Variants in PARD3B observed in about 807,000 individuals in gnomAD.
The protein encoded by PARD3B is partitioning defective 3 homolog B.
PARD3B carries 103 observed loss-of-function variants against 130.2 expected under a neutral mutation model. The ratio of observed to expected loss-of-function variants is 0.79; its 90% CI spans 0.67 to 0.93. The LOEUF (loss-of-function observed/expected upper bound fraction) is 0.93. Ranked by LOEUF, PARD3B falls within the 40% of genes least tolerant of loss-of-function variation. PARD3B has a pLI of 0.00. For missense variants in PARD3B, 1,609 were observed against 1,499.2 expected (o/e 1.07, Z -1.21); for synonymous variants, 583 against 553.2 (o/e 1.05, Z -0.76).
intron 15 of PARD3B, among the ~76,000 whole-genome samples, chr2:205,222,108 GA>G (rs202034800): frequency 6.9e-6 from 1 of 144,132 alleles, no homozygotes; most frequent in Non-Finnish European, 1.5e-5. Context: ...CTTAAAAGTT[GA>G]AAAAAAAATC....
intron 22 of PARD3B, 47 bp from the exon 23 acceptor site, chr2:205,615,409 C>G: frequency 9.4e-6 from 14 of 1,489,128 alleles, no homozygotes; most frequent in Non-Finnish European, 1.3e-5. Context: ...TCCAGCCGGA[C>G]GGCCAGCTTA....
chr2:205,092,878 T>C (rs1702192742), intron 4 of PARD3B, among the ~76,000 whole-genome samples: 1 of 152,188 alleles, frequency 6.6e-6, no homozygotes, highest in African/African-American at 2.4e-5. Flanking sequence ...TTGGTTTAAA[T>C]GTATTTTATA....
chr2:204,992,347 T>C (rs1050956900), intron 3 of PARD3B, among the ~76,000 whole-genome samples: 11 of 135,274 alleles, frequency 8.1e-5, no homozygotes, highest in Non-Finnish European at 1.4e-4. Context: ...CCTTTCCCCA[T>C]TGCTTGTTTT....
At chr2:205,234,190 C>T (rs956534644) in intron 15 of PARD3B, among the ~76,000 whole-genome samples, 1 of 152,172 alleles carries the variant, frequency 6.6e-6, no homozygotes, top group Non-Finnish European at 1.5e-5. Context: ...CATGGTGGCT[C>T]ATGCCTGTAA....
chr2:205,176,715 CTG>C lies in PARD3B; in HGVS notation c.1924+139_1924+140del. 1.0e-6 allele frequency: 1 copy of C among 977,288 alleles called. No individual in the cohort carries two copies. The highest frequency in any genetic ancestry group is 1.4e-6 in the Non-Finnish European group (1 of 701,418). The allele number at this position is 977,288 out of a possible 1,614,324, so 60.5% of individuals were successfully genotyped here. On this transcript the variant is annotated intron_variant, in intron 13 of 22. Coordinates refer to ENST00000406610, the MANE Select transcript of PARD3B (RefSeq NM_001302769.2). The surrounding 1 kb of genome is among the most constrained non-coding windows in gnomAD (Gnocchi z 5.3). ...ACTTTGTTACTCGGAGTCACAAACA[CTG>C]AGAGAGTTGGGGGAGAGCTGACTCA...
chr2:204,969,454 C>T (rs1015927844), intron 3 of PARD3B, among the ~76,000 whole-genome samples: 3 of 152,194 alleles, frequency 2.0e-5, no homozygotes, highest in African/African-American at 7.2e-5. Context: ...CTCACCTCCA[C>T]TCAAAAGATG....
intron 16 of PARD3B, among the ~76,000 whole-genome samples, chr2:205,248,097 T>C (rs561168867): frequency 6.6e-6 from 1 of 151,942 alleles, no homozygotes; most frequent in Admixed American, 6.6e-5. Context: ...CCCAGCTAAC[T>C]TTTATTTTTA....
At position 204,860,145 on chromosome 2, in the gene PARD3B, G is replaced by A. The variant is rs114805537; in HGVS notation, c.223-105007G>A. On this transcript the variant is annotated intron_variant, in intron 2 of 22. Transcript: ENST00000406610. The stretch of plus-strand genomic sequence containing the variant: ...TACATTATAAAAACAAAAAGGAATC[G>A]CAGCTATAAAAATGTGTTATATCAA... Among the ~76,000 whole-genome samples the A allele has an allele frequency of 7.2e-3, 1,094 of 152,038 alleles. 11 individuals carry two copies. The highest frequency in any genetic ancestry group is 0.025 in the African/African-American group (1,023 of 41,444).
At chr2:205,251,897 A>C (rs2039866332) in intron 16 of PARD3B, among the ~76,000 whole-genome samples, 1 of 152,132 alleles carries the variant, frequency 6.6e-6, no homozygotes, top group Non-Finnish European at 1.5e-5. Context: ...TTGTTGGATA[A>C]ATATAGCATT....
intron 10 of PARD3B, among the ~76,000 whole-genome samples, chr2:205,135,193 G>T (rs969185367): frequency 2.0e-5 from 3 of 152,192 alleles, no homozygotes; most frequent in African/African-American, 7.2e-5. Flanking sequence ...TTAGCCAAAT[G>T]TTACCAGTAA....
chr2:205,495,462 T>C (rs560102992), intron 20 of PARD3B, among the ~76,000 whole-genome samples: 5 of 152,304 alleles, frequency 3.3e-5, no homozygotes, highest in Admixed American at 2.6e-4. Flanking sequence ...ATTGTTAAAC[T>C]AACAATGTGG....
Position 205,128,549 on chromosome 2 carries a change from C to T in PARD3B, c.1434+2812C>T, listed in dbSNP as rs2031683601. On this transcript the variant is annotated intron_variant, in intron 10 of 22. Coordinates refer to ENST00000406610, the MANE Select transcript of PARD3B (RefSeq NM_001302769.2). The surrounding 1 kb of genome is among the most constrained non-coding windows in gnomAD (Gnocchi z 4.5). ...CTGTGTGATGTAGAGCCATTCGGAA[C>T]ATCACTCAGAGGCTGTTTCCTCATC... Among the ~76,000 whole-genome samples the T allele has an allele frequency of 6.6e-6, 1 of 152,218 alleles. No homozygotes were observed. The highest frequency in any genetic ancestry group is 1.5e-5 in the Non-Finnish European group (1 of 68,034).
chr2:204,811,267 A>G (rs1047329455), intron 2 of PARD3B, among the ~76,000 whole-genome samples: 3 of 151,966 alleles, frequency 2.0e-5, no homozygotes, highest in Non-Finnish European at 4.4e-5. Flanking sequence ...GTGTCTCTCA[A>G]TGTTTCTTGG....
intron 4 of PARD3B, among the ~76,000 whole-genome samples, chr2:205,099,957 A>G (rs976441123): frequency 6.6e-6 from 1 of 152,120 alleles, no homozygotes; most frequent in Non-Finnish European, 1.5e-5. Flanking sequence ...CATTGACATG[A>G]TTTCTCCAAA....
chr2:205,057,655 A>G (rs926461919), intron 4 of PARD3B, among the ~76,000 whole-genome samples: 3 of 112,944 alleles, frequency 2.7e-5, no homozygotes, highest in Non-Finnish European at 5.7e-5. Context: ...GTATGTGTAT[A>G]CGTACATATA....
In PARD3B at chr2:205,388,707, A is replaced by G. The variant is rs529082646; in HGVS notation, c.2631-12306A>G. ...AAAATCCCATGGGAAATCTATTTCT[A>G]TGAAAAAAAAACTTGTCTTTTGTTC... On this transcript the variant is annotated intron_variant, in intron 18 of 22. Coordinates refer to ENST00000406610, the MANE Select transcript of PARD3B (RefSeq NM_001302769.2). Among the ~76,000 whole-genome samples, 189 of 152,246 alleles carry G rather than the reference A, an allele frequency of 1.2e-3. 1 individual carries two copies. Among genetic ancestry groups the G allele is most frequent in the Middle Eastern group, 0.01 (3 of 294 alleles).
rs951923347 is a variant in PARD3B, at chr2:205,121,493, G to A, written c.807-98G>A. On this transcript the variant is annotated intron_variant, in intron 7 of 22. Coordinates refer to ENST00000406610, the MANE Select transcript of PARD3B (RefSeq NM_001302769.2). The surrounding 1 kb of genome is among the most constrained non-coding windows in gnomAD (Gnocchi z 5.0). The stretch of plus-strand genomic sequence containing the variant: ...ATATTGATCGTGTCTCCTATGATTA[G>A]CCACTGTGCTGCTCTTGGTTGCCAT... 7.0e-5 allele frequency: 69 copies of A among 985,972 alleles called. No homozygotes were observed. The Admixed American group carries it at 1.3e-3, about 19-fold the overall frequency. The allele number at this position is 985,972 out of a possible 1,614,324, so 61.1% of individuals were successfully genotyped here. A position where few individuals can be genotyped will look rare whatever the true frequency, so the allele number is the denominator to read the frequency against.
chr2:205,257,663 T>G (rs2105749116), intron 16 of PARD3B, among the ~76,000 whole-genome samples: 1 of 152,300 alleles, frequency 6.6e-6, no homozygotes, highest in Admixed American at 6.5e-5. Flanking sequence ...TGCTACATGT[T>G]TTTCGCAAAT....
At position 204,664,748 on chromosome 2, in the gene PARD3B, A is replaced by C. The variant is rs931012842; in HGVS notation, c.121-21433A>C. Among the ~76,000 whole-genome samples, 1 of 152,186 alleles carries C rather than the reference A, an allele frequency of 6.6e-6. No individual in the cohort carries two copies. Among genetic ancestry groups the C allele is most frequent in the Non-Finnish European group, 1.5e-5 (1 of 68,028 alleles). ...TCCTGATAATAGTTTTCTGTAAGCT[A>C]TGTGAATGTCAGAGAGCAGAAATAG... On this transcript the variant is annotated intron_variant, in intron 1 of 22. Transcript: ENST00000406610. The surrounding 1 kb of genome is among the most constrained non-coding windows in gnomAD (Gnocchi z 5.2).
Sources: allele counts gnomAD v4.1 joint callset (sites outside exome capture counted in the v4.1 genomes callset), GRCh38; gene constraint gnomAD v4.1.1; non-coding constraint Gnocchi (gnomAD v3.1); transcripts MANE v1.5; gene names NCBI Gene and HGNC (gene_info 2026-07-23, HGNC 2026-07-21).